Variants in PITPNC1 observed in about 807,000 individuals in gnomAD.
PITPNC1 encodes phosphatidylinositol transfer protein cytoplasmic 1.
Under a neutral mutation model 44.7 loss-of-function variants are expected in PITPNC1, and 18 were observed. That is an observed-to-expected ratio of 0.40 (90% confidence interval 0.28 to 0.60). The LOEUF is 0.60. Among genes scored for constraint, PITPNC1 ranks in the 20% least tolerant of loss-of-function variants. PITPNC1 has a pLI of 0.39. For synonymous variants in PITPNC1, 141 were observed against 149.6 expected (o/e 0.94, Z 0.42); for missense variants, 290 against 418.4 (o/e 0.69, Z 2.68).
chr17:67,633,643 T>C (rs1481194124), intron 6 of PITPNC1, among the ~76,000 whole-genome samples: 1 of 152,248 alleles, frequency 6.6e-6, no homozygotes, highest in African/African-American at 2.4e-5. Flanking sequence ...TACGTAACTG[T>C]GGACCCGCCG....
intron 6 of PITPNC1, among the ~76,000 whole-genome samples, chr17:67,656,372 TCTC>T: frequency 6.6e-6 from 1 of 152,242 alleles, no homozygotes; most frequent in African/African-American, 2.4e-5. Flanking sequence ...CGCACAACCT[TCTC>T]CTCTGTGTCT....
intron 6 of PITPNC1, 59 bp downstream of exon 6, chr17:67,632,297 TTTC>T: frequency 9.2e-7 from 1 of 1,084,746 alleles, no homozygotes; most frequent in Non-Finnish European, 1.4e-6. Flanking sequence ...TCCACAACTA[TTTC>T]TTAAGTGCCT....
Position 67,409,112 on chromosome 17 carries a change from C to T in PITPNC1, c.48+30910C>T, listed in dbSNP as rs2038451672. Among the ~76,000 whole-genome samples, 3 of 123,768 alleles carry T rather than the reference C, an allele frequency of 2.4e-5. No homozygotes were observed. The Admixed American group carries it at 3.0e-4, about 12-fold the overall frequency. 81.2% of individuals were successfully genotyped at this position (123,768 alleles called of 152,430 possible). ...TTTTTTTTTGAGACGGAGTCTCGCT[C>T]TGTCGCCCAGGCCGGACTGCGGACT... On this transcript the variant is annotated intron_variant, in intron 1 of 8. Transcript: ENST00000581322.
chr17:67,434,763 T>C (rs1455012086), intron 1 of PITPNC1, among the ~76,000 whole-genome samples: 2 of 141,394 alleles, frequency 1.4e-5, no homozygotes, highest in Non-Finnish European at 1.5e-5. Flanking sequence ...CAGTGAGCTG[T>C]TGCAACAGGG....
intron 4 of PITPNC1, among the ~76,000 whole-genome samples, chr17:67,560,868 C>T (rs571453219): frequency 2.6e-5 from 4 of 152,254 alleles, no homozygotes; most frequent in African/African-American, 7.2e-5. Context: ...TAACACCACT[C>T]GAAATGACTT....
At chr17:67,510,236 ACT>A (rs35899230) in intron 1 of PITPNC1, among the ~76,000 whole-genome samples, 16,195 of 152,030 alleles carry the variant, frequency 0.11, 1,082 homozygotes, top group African/African-American at 0.2. Context: ...TGCTTAAGAG[ACT>A]CAGCCCACAC....
At chr17:67,448,108 G>T (rs189437816) in intron 1 of PITPNC1, among the ~76,000 whole-genome samples, 122 of 152,180 alleles carry the variant, frequency 8.0e-4, no homozygotes, top group Middle Eastern at 6.8e-3. Context: ...ACCACACCAG[G>T]CTAATGTTGG....
intron 1 of PITPNC1, among the ~76,000 whole-genome samples, chr17:67,507,303 C>T (rs1459326042): frequency 6.6e-6 from 1 of 151,996 alleles, no homozygotes; most frequent in African/African-American, 2.4e-5. Flanking sequence ...AGGCCGAGTC[C>T]GAGAGCTGCA....
chr17:67,683,704 G>A (rs997696406), intron 8 of PITPNC1, among the ~76,000 whole-genome samples: 62 of 152,144 alleles, frequency 4.1e-4, no homozygotes, highest in Non-Finnish European at 8.7e-4. Flanking sequence ...ATGGCTGGGC[G>A]TGGTGGCTCA....
intron 1 of PITPNC1, among the ~76,000 whole-genome samples, chr17:67,506,654 G>A (rs17654780): frequency 0.12 from 18,066 of 151,972 alleles, 1,216 homozygotes; most frequent in Middle Eastern, 0.2. Flanking sequence ...CTTACTATAC[G>A]CGATGTACTG....
intron 1 of PITPNC1, among the ~76,000 whole-genome samples, chr17:67,429,469 G>A (rs2038823060): frequency 6.6e-6 from 1 of 151,148 alleles, no homozygotes; most frequent in East Asian, 1.9e-4. Flanking sequence ...GGAGGCCAAG[G>A]CAGGTGGATC....
intron 6 of PITPNC1, among the ~76,000 whole-genome samples, chr17:67,643,996 G>C (rs912566282): frequency 6.6e-6 from 1 of 152,128 alleles, no homozygotes; most frequent in Admixed American, 6.5e-5. Context: ...GATACCAATA[G>C]CTCCAGCTCT....
At chr17:67,599,507 G>A (rs1395297490) in intron 5 of PITPNC1, among the ~76,000 whole-genome samples, 2 of 152,146 alleles carry the variant, frequency 1.3e-5, no homozygotes, top group African/African-American at 4.8e-5. Context: ...TCATAGAGAT[G>A]GATGAGAAAG....
At chr17:67,395,373 T>G (rs984598387) in intron 1 of PITPNC1, among the ~76,000 whole-genome samples, 3 of 152,052 alleles carry the variant, frequency 2.0e-5, no homozygotes, top group Non-Finnish European at 4.4e-5. Context: ...GGTCTCGAAC[T>G]CTTAGCCTCA....
intron 5 of PITPNC1, among the ~76,000 whole-genome samples, chr17:67,580,736 A>G (rs2041219158): frequency 6.6e-6 from 1 of 152,180 alleles, no homozygotes; most frequent in South Asian, 2.1e-4. Context: ...AGTTTATTCA[A>G]AACAGCTCTC....
At position 67,622,129 on chromosome 17, in the gene PITPNC1, C is replaced by T. The variant is rs949988378; in HGVS notation, c.367-10014C>T. 5.3e-5 allele frequency among the ~76,000 whole-genome samples: 8 copies of T among 151,868 alleles called. No individual in the cohort carries two copies. The East Asian group carries it at 1.2e-3, about 22-fold the overall frequency. The stretch of plus-strand genomic sequence containing the variant: ...AAAATTAGCTGGGCGCGGTGGTGGG[C>T]GCCTGTAGTCCCAGCTACTCGGGAA... On this transcript the variant is annotated intron_variant, in intron 5 of 8. Transcript: ENST00000581322.
chr17:67,392,043 T>C (rs1172317041), intron 1 of PITPNC1, among the ~76,000 whole-genome samples: 2 of 152,196 alleles, frequency 1.3e-5, no homozygotes, highest in Non-Finnish European at 2.9e-5. Flanking sequence ...TTGGAAATTA[T>C]TCCTTTTAAT....
chr17:67,454,877 T>C (rs900992378), intron 1 of PITPNC1, among the ~76,000 whole-genome samples: 5 of 150,270 alleles, frequency 3.3e-5, no homozygotes, highest in Admixed American at 2.0e-4. Flanking sequence ...TGGAGTGCAC[T>C]GGTGCAATCA....
intron 1 of PITPNC1, among the ~76,000 whole-genome samples, chr17:67,490,526 C>T (rs1056750691): frequency 1.3e-5 from 2 of 151,948 alleles, no homozygotes; most frequent in Non-Finnish European, 2.9e-5. Context: ...GGAGAGAGAG[C>T]CCCCGGGTGT....
Sources: gnomAD v4.1 joint callset for allele counts (sites outside exome capture counted in the v4.1 genomes callset) on GRCh38, gnomAD v4.1.1 for gene constraint, MANE v1.5 for transcripts, NCBI Gene and HGNC (gene_info 2026-07-23, HGNC 2026-07-21) for gene names.